The following NCOA2 variants were observed in gnomAD, a reference collection of about 807,000 sequenced individuals.
NCOA2 encodes the protein class E basic helix-loop-helix protein 75.
NCOA2 carries 21 observed loss-of-function variants against 145.1 expected under a neutral mutation model. The observed-to-expected ratio is 0.14, with a 90% confidence interval of 0.10 to 0.21. The LOEUF (loss-of-function observed/expected upper bound fraction) is 0.21, where lower values mean the gene tolerates loss of function less well. NCOA2 is among the 10% of genes least tolerant of loss of function. NCOA2 has a pLI of 1.00. For missense variants in NCOA2, 1,472 were observed against 1,837.6 expected, an observed-to-expected ratio of 0.80 and a Z score of 3.64; for synonymous variants, 619 against 637.5, an observed-to-expected ratio of 0.97 and a Z score of 0.44.
intron 2 of NCOA2, among the ~76,000 whole-genome samples, chr8:70,218,849 C>G (rs958263756): frequency 5.9e-5 from 9 of 152,094 alleles, no homozygotes; most frequent in African/African-American, 2.2e-4. Flanking sequence ...TAGCAAAATG[C>G]CCTATATAGT....
At chr8:70,303,825 A>C (rs1827677010) in intron 1 of NCOA2, among the ~76,000 whole-genome samples, 1 of 152,144 alleles carries the variant, frequency 6.6e-6, no homozygotes, top group African/African-American at 2.4e-5. Flanking sequence ...GGCAGAAATT[A>C]ATCTTTCTTA....
At chr8:70,167,671 GTCATT>G (rs1270699201) in intron 6 of NCOA2, among the ~76,000 whole-genome samples, 3 of 152,090 alleles carry the variant, frequency 2.0e-5, no homozygotes, top group Admixed American at 2.0e-4. Context: ...CAGTGCAAAT[GTCATT>G]TCTTTTCAAG....
At chr8:70,313,666 A>G (rs956901524) in intron 1 of NCOA2, among the ~76,000 whole-genome samples, 2 of 152,236 alleles carry the variant, frequency 1.3e-5, no homozygotes, top group African/African-American at 4.8e-5. Flanking sequence ...AGTAAGTTAT[A>G]TATTTACTTT....
chr8:70,408,899 A>G, the NCOA2 span, among the ~76,000 whole-genome samples: 1 of 149,126 alleles, frequency 6.7e-6, no homozygotes, highest in Non-Finnish European at 1.5e-5. Context: ...GAGTGTTAGG[A>G]TTACGGCATA....
At chr8:70,398,128 A>G (rs1238832726) in intron 1 of NCOA2, among the ~76,000 whole-genome samples, 4 of 152,180 alleles carry the variant, frequency 2.6e-5, no homozygotes, top group Non-Finnish European at 5.9e-5. Flanking sequence ...AAGCAATAGT[A>G]AAGTCAGACA....
intron 1 of NCOA2, among the ~76,000 whole-genome samples, chr8:70,322,089 C>G (rs1302849129): frequency 6.6e-6 from 1 of 151,810 alleles, no homozygotes; most frequent in East Asian, 1.9e-4. Flanking sequence ...GCACTCCAGC[C>G]TGGGCAACAA....
intron 1 of NCOA2, among the ~76,000 whole-genome samples, chr8:70,366,569 C>T (rs1413307580): frequency 6.6e-6 from 1 of 150,682 alleles, no homozygotes; most frequent in Non-Finnish European, 1.5e-5. Context: ...AAATCTAAAC[C>T]TCAAATTTAC....
At chr8:70,135,650 G>T (rs1809645053) in intron 15 of NCOA2, among the ~76,000 whole-genome samples, 1 of 151,864 alleles carries the variant, frequency 6.6e-6, no homozygotes, top group Admixed American at 6.6e-5. Context: ...ACACAATGAA[G>T]AAATTATTTT....
chr8:70,193,539 TA>T (rs1424257316), intron 4 of NCOA2, among the ~76,000 whole-genome samples: 1 of 152,146 alleles, frequency 6.6e-6, no homozygotes, highest in Non-Finnish European at 1.5e-5. Context: ...ATATTCCAAA[TA>T]AAATGTACTA....
intron 1 of NCOA2, among the ~76,000 whole-genome samples, chr8:70,387,039 TAGC>T (rs1812734180): frequency 6.6e-6 from 1 of 152,200 alleles, no homozygotes. Flanking sequence ...GCCTCCCAAG[TAGC>T]TGGGTTAATT....
At chr8:70,287,981 T>C (rs1325045787) in intron 2 of NCOA2, among the ~76,000 whole-genome samples, 5 of 152,200 alleles carry the variant, frequency 3.3e-5, no homozygotes, top group African/African-American at 9.7e-5. Context: ...AGCCAAAAAC[T>C]GCAAATGCCA....
chr8:70,366,515 C>T (rs1810702249), intron 1 of NCOA2, among the ~76,000 whole-genome samples: 1 of 149,816 alleles, frequency 6.7e-6, no homozygotes, highest in African/African-American at 2.4e-5. Context: ...GAGAAGAGTT[C>T]ATATATATAT....
At chr8:70,212,654 T>C (rs1425213027) in intron 4 of NCOA2, among the ~76,000 whole-genome samples, 1 of 152,188 alleles carries the variant, frequency 6.6e-6, no homozygotes, top group Admixed American at 6.5e-5. Context: ...CTAGGATTTG[T>C]GACAGATAAG....
chr8:70,148,595 G>A, intron 11 of NCOA2, 112 bp from the exon 12 acceptor site: 1 of 889,648 alleles, frequency 1.1e-6, no homozygotes, highest in Middle Eastern at 3.4e-4. Context: ...AAATAAAATA[G>A]GTAGATTCCT....
At position 70,156,060 on chromosome 8, in the gene NCOA2, G is replaced by A. The variant is rs1563536239; in HGVS notation, c.2305C>T (p.Leu769=). 1 of 1,613,826 alleles carries A rather than the reference G, an allele frequency of 6.2e-7. No homozygotes were observed. Among genetic ancestry groups the A allele is most frequent in the East Asian group, 2.2e-5 (1 of 44,884 alleles). The change falls in exon 11 of 23, where the codon CTG becomes TTG. Residue 769 remains leucine (L), a synonymous_variant. Transcript: ENST00000452400. ...LPEITPKLER[L]DSKTDPASNT... ...CTGGCAGGATCTGTCTTACTGTCCA[G>A]TCTCTCAAGTTTGGGGGTTATTTCT...
chr8:70,129,011 T>C, intron 16 of NCOA2, 31 bp from the exon 17 acceptor site: 22 of 1,556,772 alleles, frequency 1.4e-5, no homozygotes, highest in Non-Finnish European at 1.9e-5. Flanking sequence ...AACAAACAAA[T>C]AATTAAACCA....
intron 1 of NCOA2, among the ~76,000 whole-genome samples, chr8:70,301,829 C>A (rs1827530643): frequency 6.6e-6 from 1 of 151,958 alleles, no homozygotes; most frequent in African/African-American, 2.4e-5. Flanking sequence ...CAGCCAGCAC[C>A]ACCTTAATCA....
chr8:70,258,561 T>G (rs954311065), intron 2 of NCOA2, among the ~76,000 whole-genome samples: 1 of 152,200 alleles, frequency 6.6e-6, no homozygotes, highest in Non-Finnish European at 1.5e-5. Flanking sequence ...TCTCTCAATC[T>G]TCAAATCCAA....
At chr8:70,228,559 A>G (rs1820867420) in intron 2 of NCOA2, among the ~76,000 whole-genome samples, 1 of 152,102 alleles carries the variant, frequency 6.6e-6, no homozygotes, top group Admixed American at 6.5e-5. Flanking sequence ...GGTGGTCTAC[A>G]GTAGGCATTA....
Sources: allele counts gnomAD v4.1 joint callset (sites outside exome capture counted in the v4.1 genomes callset), GRCh38; gene constraint gnomAD v4.1.1; transcripts MANE v1.5; gene names NCBI Gene and HGNC (gene_info 2026-07-23, HGNC 2026-07-21).